The following BCR variants were observed in gnomAD, a reference collection of about 807,000 sequenced individuals.
BCR encodes breakpoint cluster region protein.
BCR carries 58 observed loss-of-function variants against 138.6 expected under a neutral mutation model. The observed-to-expected ratio is 0.42, with a 90% CI of 0.34 to 0.52. BCR has a LOEUF of 0.52. Among genes scored for constraint, BCR ranks in the 20% least tolerant of loss-of-function variants. The pLI is 0.06. For synonymous variants in BCR, 786 were observed against 730.1 expected, an observed-to-expected ratio of 1.08 and a Z score of -1.23; for missense variants, 1,599 against 1,727.2, an observed-to-expected ratio of 0.93 and a Z score of 1.32.
At chr22:23,224,886 A>C (rs1446647198) in intron 1 of BCR, among the ~76,000 whole-genome samples, 5 of 151,908 alleles carry the variant, frequency 3.3e-5, no homozygotes, top group Non-Finnish European at 7.4e-5. Flanking sequence ...CATCCCCCCC[A>C]AAAAAACAAA....
At chr22:23,195,842 C>T (rs1285285835) in intron 1 of BCR, among the ~76,000 whole-genome samples, 7 of 152,162 alleles carry the variant, frequency 4.6e-5, no homozygotes, top group African/African-American at 1.7e-4. Context: ...GAACCGAGAT[C>T]GTGCCATTGC....
At chr22:23,264,069 C>T (rs932444593) in intron 4 of BCR, 43 of 1,190,662 alleles carry the variant, frequency 3.6e-5, no homozygotes, top group African/African-American at 9.0e-5. Flanking sequence ...CACCTATGTT[C>T]GCTACTGGGA....
At chr22:23,298,314 AG>A (rs141984583) in intron 16 of BCR, among the ~76,000 whole-genome samples, 1 of 152,196 alleles carries the variant, frequency 6.6e-6, no homozygotes, top group Non-Finnish European at 1.5e-5. Flanking sequence ...TAGCAAGGGC[AG>A]GGGGTTCTGG....
intron 1 of BCR, among the ~76,000 whole-genome samples, chr22:23,250,083 C>T (rs1475489459): frequency 6.6e-6 from 1 of 152,200 alleles, no homozygotes; most frequent in Non-Finnish European, 1.5e-5. Flanking sequence ...ATTCTTGCAC[C>T]AGGTTTTAGC....
rs1163084624 is a variant in BCR, at chr22:23,180,743, GCCCGCGCCCTTCCCCCCGGCGCGC to G, written c.-212_-189del. 6.6e-6 allele frequency: 1 copy of G among 150,400 alleles called. No individual in the cohort carries two copies. Among genetic ancestry groups the G allele is most frequent in the African/African-American group, 2.5e-5 (1 of 40,788 alleles). 9.3% of individuals were successfully genotyped at this position (150,400 alleles called of 1,614,324 possible). ...CCCGCACACAATAGCGGCGCGCGCAGCCCGCGCCCTTCCCCCCGGCGCGCCCCGCCCCGCGCGCCGAGCGCCCCG... is the reference window on the plus strand; with the variant it reads ...CCCGCACACAATAGCGGCGCGCGCAGCCCGCCCCGCGCGCCGAGCGCCCCG... On this transcript the variant is annotated 5_prime_UTR_variant, in exon 1 of 23. Coordinates refer to ENST00000305877, the MANE Select transcript of BCR (RefSeq NM_004327.4).
At chr22:23,205,535 A>T (rs757306689) in intron 1 of BCR, among the ~76,000 whole-genome samples, 1 of 151,942 alleles carries the variant, frequency 6.6e-6, no homozygotes, top group African/African-American at 2.4e-5. Context: ...GCCTTGCTCT[A>T]TTTCTGCAAG....
At chr22:23,193,501 C>T (rs138383538) in intron 1 of BCR, among the ~76,000 whole-genome samples, 203 of 152,336 alleles carry the variant, frequency 1.3e-3, no homozygotes, top group African/African-American at 4.7e-3. Flanking sequence ...AGAAGAAATG[C>T]ATAATTTAGT....
rs566751793 is a variant in BCR, at chr22:23,264,044, C to T, written c.1752+2504C>T. On this transcript the variant is annotated intron_variant, in intron 4 of 22. Coordinates refer to ENST00000305877, the MANE Select transcript of BCR (RefSeq NM_004327.4). The stretch of plus-strand genomic sequence containing the variant: ...TATATGAGTCCCCTTTCGCACTGCT[C>T]TCCTGTGGCTATGACACCTATGTTC... The T allele has an allele frequency of 9.7e-5, 98 of 1,007,874 alleles. 1 individual carries two copies. The African/African-American group carries it at 1.5e-3, about 15-fold the overall frequency. The allele number at this position is 1,007,874 out of a possible 1,614,324, so 62.4% of individuals were successfully genotyped here.
At chr22:23,312,004 C>G in intron 19 of BCR, 168 bp downstream of exon 19, 1 of 1,348,406 alleles carries the variant, frequency 7.4e-7, no homozygotes, top group Non-Finnish European at 9.9e-7. Flanking sequence ...TAGAAAAAGC[C>G]TCTGTAGAAA....
chr22:23,314,399 A>C (rs1429221323), intron 21 of BCR, among the ~76,000 whole-genome samples, 153 bp from the exon 22 acceptor site: 1 of 152,166 alleles, frequency 6.6e-6, no homozygotes, highest in African/African-American at 2.4e-5. Flanking sequence ...GTCCTGGGCC[A>C]CTGAGACCCA....
chr22:23,181,011 CT>C lies in BCR; in HGVS notation c.52del (p.Ser18GlnfsTer32). ...AGGCGTGGAAGGCGCAGTTCCCGGA[CT>C]CAGAGCCCCCGCGCATGGAGCTGCG... Reference protein sequence around the residue: ...AEAWKAQFPDSEPPRMELRSV... With the variant: ...AEAWKAQFPDXEPPRMELRSV... On this transcript the variant is annotated frameshift_variant, in exon 1 of 23. Transcript: ENST00000305877. LOFTEE classifies it high-confidence loss of function. 6.7e-7 allele frequency: 1 copy of C among 1,485,774 alleles called. No individual in the cohort carries two copies. Among genetic ancestry groups the C allele is most frequent in the Non-Finnish European group, 9.0e-7 (1 of 1,108,216 alleles). The allele number at this position is 1,485,774 out of a possible 1,614,324, so 92.0% of individuals were successfully genotyped here. A position where few individuals can be genotyped will look rare whatever the true frequency, so the allele number is the denominator to read the frequency against.
chr22:23,198,423 C>A, intron 1 of BCR: 1 of 425,644 alleles, frequency 2.3e-6, no homozygotes, highest in Non-Finnish European at 4.5e-6. Context: ...AGGTTGGTGA[C>A]CCCCAAAGAG....
intron 1 of BCR, among the ~76,000 whole-genome samples, chr22:23,189,936 A>G (rs59897800): frequency 0.011 from 1,599 of 152,276 alleles, 25 homozygotes; most frequent in African/African-American, 0.037. Flanking sequence ...GGCCCAGAGT[A>G]TTAGTTTGCC....
At chr22:23,243,701 T>G (rs376431002) in intron 1 of BCR, among the ~76,000 whole-genome samples, 1 of 150,764 alleles carries the variant, frequency 6.6e-6, no homozygotes, top group Non-Finnish European at 1.5e-5. Context: ...CAGGCTGGAG[T>G]GCAGTGGCGA....
chr22:23,212,567 A>T (rs2072698187), intron 1 of BCR, among the ~76,000 whole-genome samples: 1 of 152,230 alleles, frequency 6.6e-6, no homozygotes, highest in Non-Finnish European at 1.5e-5. Flanking sequence ...GGCCTGGGGC[A>T]GCCTCCTCTG....
rs377730476 is a variant in BCR at position 23,285,226 on chromosome 22, G to A, written c.2406+25G>A. On this transcript the variant is annotated intron_variant, in intron 10 of 22. Coordinates refer to ENST00000305877, the MANE Select transcript of BCR (RefSeq NM_004327.4). ...GGTGCACACCAGGGGAGCAAGGGCC[G>A]GGTTTGGTGTGGTCAGAGTGGCAGC... 37 of 1,597,162 alleles carry A rather than the reference G, an allele frequency of 2.3e-5. No individual in the cohort carries two copies. The East Asian group carries it at 5.9e-4, about 25-fold the overall frequency.
At chr22:23,242,348 G>A (rs1299913404) in intron 1 of BCR, among the ~76,000 whole-genome samples, 2 of 152,116 alleles carry the variant, frequency 1.3e-5, no homozygotes, top group African/African-American at 4.8e-5. Context: ...TCCATCTCAG[G>A]TGATAAGGGC....
At chr22:23,219,068 A>AATGG (rs978971111) in intron 1 of BCR, among the ~76,000 whole-genome samples, 5 of 152,102 alleles carry the variant, frequency 3.3e-5, no homozygotes, top group East Asian at 1.9e-4. Context: ...TGGCTGTGAC[A>AATGG]ATGGATGGAT....
chr22:23,287,740 C>T (rs148220363), intron 11 of BCR, among the ~76,000 whole-genome samples: 10 of 152,336 alleles, frequency 6.6e-5, no homozygotes, highest in Non-Finnish European at 1.3e-4. Context: ...AGAAGCCTCA[C>T]CTCTGGGCTA....
Sources: gnomAD v4.1 joint callset for allele counts (sites outside exome capture counted in the v4.1 genomes callset) on GRCh38, gnomAD v4.1.1 for gene constraint, MANE v1.5 for transcripts, NCBI Gene and HGNC (gene_info 2026-07-23, HGNC 2026-07-21) for gene names.